Variants in TMEM176B observed in about 807,000 individuals in gnomAD.
TMEM176B encodes the protein LR8-like protein.
TMEM176B carries 28 observed loss-of-function variants against 30.3 expected under a neutral mutation model. The ratio of observed to expected loss-of-function variants is 0.92; its 90% CI spans 0.68 to 1.27. The LOEUF (loss-of-function observed/expected upper bound fraction) is 1.27. Among genes scored for constraint, TMEM176B ranks in the 50% most tolerant of loss-of-function variants. The pLI, the probability that TMEM176B is intolerant of heterozygous loss-of-function variation, is 0.00. For synonymous variants in TMEM176B, 123 were observed against 130.3 expected (o/e 0.94, Z 0.38); for missense variants, 349 against 327.4 (o/e 1.07, Z -0.51).
Position 150,796,429 on chromosome 7 carries a change from A to T in TMEM176B, c.141T>A (p.Leu47=), listed in dbSNP as rs753885002. ...AAGGCACAGTGTCCCCAGGGTGAAA[A>T]AGAAACTTCTTCAGAGAACCTCCAG... is the stretch of plus-strand genomic sequence containing the variant. The part of the protein sequence containing the change: ...LKAGGSLKKF[L]FHPGDTVPST... The change falls in exon 2 of 7, where the codon CTT becomes CTA. Residue 47 remains leucine (L), a synonymous_variant. Coordinates refer to ENST00000326442, the MANE Select transcript of TMEM176B (RefSeq NM_001101312.2). 3.7e-6 allele frequency: 6 copies of T among 1,614,116 alleles called. No homozygotes were observed. In the East Asian group the frequency reaches 1.3e-4, roughly 36 times the overall value.
At chr7:150,799,349 G>C (rs7781814) in intron 1 of TMEM176B, among the ~76,000 whole-genome samples, 43,445 of 152,174 alleles carry the variant, frequency 0.29, 7,196 homozygotes, top group African/African-American at 0.45. Flanking sequence ...TTTTAACATG[G>C]AGCTTAATGC....
intron 2 of TMEM176B, 29 bp from the exon 3 acceptor site, chr7:150,794,100 C>A (rs1256624712): frequency 6.3e-7 from 1 of 1,587,152 alleles, no homozygotes; most frequent in Non-Finnish European, 8.6e-7. Context: ...AACCAGACCC[C>A]TTCCCGTGAG....
In TMEM176B at chr7:150,793,963, C is replaced by T; in HGVS notation, c.313G>A (p.Val105Met). 1 of 1,602,468 alleles carries T rather than the reference C, an allele frequency of 6.2e-7. No individual in the cohort carries two copies. Among genetic ancestry groups the T allele is most frequent in the African/African-American group, 1.3e-5 (1 of 74,572 alleles). The change falls in exon 3 of 7, where the codon GTG becomes ATG. Residue 105 changes from valine to methionine, a missense_variant and splice_region_variant. Physicochemically the swap from Val to Met is conservative, Grantham distance 21. Transcript: ENST00000326442. ...CTCACAGCCTGTTCCTTACTCACCA[C>T]AGACCCCGCCCAGAAGGCACAGCCT... ...ASGCAFWAGSVVIAAGAGAIV... is the reference protein window; with the variant it reads ...ASGCAFWAGSMVIAAGAGAIV...
Position 150,791,458 on chromosome 7 carries a change from G to A in TMEM176B, c.*73C>T, listed in dbSNP as rs1311982689. The A allele has an allele frequency of 7.7e-7, 1 of 1,298,858 alleles. No homozygotes were observed. Among genetic ancestry groups the A allele is most frequent in the African/African-American group, 1.5e-5 (1 of 66,976 alleles). The allele number at this position is 1,298,858 out of a possible 1,614,324, so 80.5% of individuals were successfully genotyped here. ...GAGCGGCCATAGGGGAGGCAAGTGT[G>A]AGGAGCCAGGAGTGGGGGCCCTGGG... On this transcript the variant is annotated 3_prime_UTR_variant, in exon 7 of 7. Coordinates refer to ENST00000326442, the MANE Select transcript of TMEM176B (RefSeq NM_001101312.2).
intron 5 of TMEM176B, 95 bp from the exon 6 acceptor site, chr7:150,792,270 T>C: frequency 6.6e-7 from 1 of 1,511,716 alleles, no homozygotes; most frequent in Non-Finnish European, 9.0e-7. Flanking sequence ...ACTGACTCTA[T>C]CCAGCTTGCT....
Position 150,796,352 on chromosome 7 carries a change from C to A in TMEM176B, c.204+14G>T. Reference sequence around the variant, plus strand: ...GTTAACGTGCCCCCCAACCCCGCACCACCCCAGTCTTACCCCTAGAGCCAG... The same window carrying A: ...GTTAACGTGCCCCCCAACCCCGCACAACCCCAGTCTTACCCCTAGAGCCAG... On this transcript the variant is annotated intron_variant, in intron 2 of 6. Transcript: ENST00000326442. The A allele has an allele frequency of 6.2e-7, 1 of 1,613,148 alleles. No individual in the cohort carries two copies. The highest frequency in any genetic ancestry group is 1.3e-5 in the African/African-American group (1 of 75,014).
chr7:150,793,208 G>A lies in TMEM176B; in HGVS notation c.480C>T (p.Ile160=), dbSNP rs148000953. Residue 160 remains isoleucine, a synonymous_variant, in exon 5 of 7, where the codon ATC becomes ATT. Coordinates refer to ENST00000326442, the MANE Select transcript of TMEM176B (RefSeq NM_001101312.2). ...FIWQTEPFLY[I]DTVCDRSDPV... is the part of the protein sequence containing the mutation. ...GGTCTGAGCGATCACACACAGTGTC[G>A]ATGTATAAAAAGGGTTCAGTTTGCC... 48 of 1,614,214 alleles carry A rather than the reference G, an allele frequency of 3.0e-5. 1 individual carries two copies. Among genetic ancestry groups the A allele is most frequent in the South Asian group, 1.6e-4 (15 of 91,080 alleles).
Position 150,794,049 on chromosome 7 carries a change from A to T in TMEM176B, c.227T>A (p.Val76Asp). ...ACACACTCCAAGAACACAACTCACA[A>T]CCCCCAGCAATATCTGAGTCACCTG... ...ALGVTQILLG[V>D]VSCVLGVCLS... The change falls in exon 3 of 7, where the codon GTT becomes GAT. Residue 76 changes from valine (V) to aspartate (D), a missense_variant. Physicochemically the swap from Val to Asp is radical, Grantham distance 152. Transcript: ENST00000326442. The T allele has an allele frequency of 1.9e-6, 3 of 1,613,076 alleles. No individual in the cohort carries two copies. The highest frequency in any genetic ancestry group is 2.5e-6 in the Non-Finnish European group (3 of 1,179,582).
chr7:150,798,162 A>T (rs996127012), intron 1 of TMEM176B, among the ~76,000 whole-genome samples: 1 of 152,216 alleles, frequency 6.6e-6, no homozygotes, highest in Non-Finnish European at 1.5e-5. Flanking sequence ...CATTCCCTAA[A>T]GCCCCTCCCC....
chr7:150,794,299 T>C (rs1456640868), intron 2 of TMEM176B, among the ~76,000 whole-genome samples: 1 of 151,968 alleles, frequency 6.6e-6, no homozygotes, highest in Non-Finnish European at 1.5e-5. Flanking sequence ...TTATCCTTCA[T>C]CAATTTTTCC....
At chr7:150,792,982 T>G (rs1170702751) in intron 5 of TMEM176B, 106 bp downstream of exon 5, 8 of 1,050,622 alleles carry the variant, frequency 7.6e-6, no homozygotes, top group Non-Finnish European at 1.0e-5. Context: ...AGACCCAGCA[T>G]GAAGTCCAAG....
chr7:150,796,215 A>G (rs544507500), intron 2 of TMEM176B, 151 bp downstream of exon 2: 20 of 664,468 alleles, frequency 3.0e-5, no homozygotes, highest in Non-Finnish European at 4.9e-5. Context: ...CTAAAGACAT[A>G]CTGGAGACCA....
upstream of TMEM176B, chr7:150,800,900 T>C: frequency 2.0e-6 from 2 of 984,822 alleles, no homozygotes; most frequent in South Asian, 4.7e-5. Flanking sequence ...CTCCGCACAG[T>C]TGGAGGAGCG....
At chr7:150,794,564 T>A (rs1798446482) in intron 2 of TMEM176B, among the ~76,000 whole-genome samples, 1 of 151,842 alleles carries the variant, frequency 6.6e-6, no homozygotes, top group African/African-American at 2.4e-5. Flanking sequence ...GTCACCCTAA[T>A]TTTTCAAGCT....
intron 2 of TMEM176B, among the ~76,000 whole-genome samples, chr7:150,795,897 T>A (rs775438276): frequency 8.5e-5 from 13 of 152,194 alleles, no homozygotes; most frequent in Non-Finnish European, 1.6e-4. Flanking sequence ...AAGCTGAGCC[T>A]ACAAATGGGG....
rs28508515 is a variant in TMEM176B, at chr7:150,796,503, C to T, written c.67G>A (p.Val23Ile). ...GACTCCTGGTGGATGTGGACGTTGA[C>T]GTGGGTGGGCTGGGATGGCCTAGAG... ...MASRPSQPTHVNVHIHQESAL... is the reference protein window; with the variant it reads ...MASRPSQPTHINVHIHQESAL... Residue 23 changes from valine (V) to isoleucine (I), a missense_variant, in exon 2 of 7, where the codon GTC becomes ATC. Coordinates refer to ENST00000326442, the MANE Select transcript of TMEM176B (RefSeq NM_001101312.2). 9.7e-4 allele frequency: 1,573 copies of T among 1,614,178 alleles called. 15 individuals carry two copies. In the African/African-American group the frequency reaches 0.019, roughly 19 times the overall value.
chr7:150,798,188 C>T (rs77015902), intron 1 of TMEM176B, among the ~76,000 whole-genome samples: 8,243 of 152,292 alleles, frequency 0.054, 723 homozygotes, highest in African/African-American at 0.18. Context: ...ATACCCCCAA[C>T]CACTGGCCAT....
At chr7:150,796,344 C>G (rs759471242) in intron 2 of TMEM176B, 22 bp downstream of exon 2, 7 of 1,610,996 alleles carry the variant, frequency 4.3e-6, no homozygotes, top group Non-Finnish European at 5.9e-6. Flanking sequence ...TGCCCCCCAA[C>G]CCCGCACCAC....
At position 150,793,004 on chromosome 7, in the gene TMEM176B, T is replaced by G; in HGVS notation, c.600+84A>C. On this transcript the variant is annotated intron_variant, in intron 5 of 6. Transcript: ENST00000326442. ...GCATGAAGTCCAAGCTCAAAGAGCC[T>G]ACATCTCTGTCCTCCAGGGCCCCCA... 6.6e-6 allele frequency: 9 copies of G among 1,354,270 alleles called. No individual in the cohort carries two copies. In the South Asian group the frequency reaches 1.1e-4, roughly 16 times the overall value. The allele number at this position is 1,354,270 out of a possible 1,614,324, so 83.9% of individuals were successfully genotyped here. A position where few individuals can be genotyped will look rare whatever the true frequency, so the allele number is the denominator to read the frequency against.
Sources: allele counts gnomAD v4.1 joint callset (sites outside exome capture counted in the v4.1 genomes callset), GRCh38; gene constraint gnomAD v4.1.1; transcripts MANE v1.5; gene names NCBI Gene and HGNC (gene_info 2026-07-23, HGNC 2026-07-21).